The following TANC2 variants were observed in gnomAD, a reference collection of about 807,000 sequenced individuals.
The protein encoded by TANC2 is protein TANC2.
In TANC2, 26 loss-of-function variants were observed where a neutral mutation model predicts 210.5. The ratio of observed to expected loss-of-function variants is 0.12; its 90% CI spans 0.09 to 0.17. The LOEUF is 0.17. TANC2 is among the 10% of genes least tolerant of loss of function. TANC2 has a pLI of 1.00. For synonymous variants in TANC2, 931 were observed against 967.1 expected, an observed-to-expected ratio of 0.96 and a Z score of 0.69; for missense variants, 2,129 against 2,608.9, an observed-to-expected ratio of 0.82 and a Z score of 4.01.
chr17:63,085,418 T>A (rs961190642), intron 3 of TANC2, among the ~76,000 whole-genome samples: 1 of 152,186 alleles, frequency 6.6e-6, no homozygotes, highest in Non-Finnish European at 1.5e-5. Flanking sequence ...TTCTGCCATT[T>A]GTTGTTTTAA....
chr17:63,117,560 C>T (rs985154915), intron 4 of TANC2, among the ~76,000 whole-genome samples: 2 of 152,132 alleles, frequency 1.3e-5, no homozygotes, highest in Non-Finnish European at 2.9e-5. Flanking sequence ...GCTTTGGGAC[C>T]ATAATCAACA....
intron 9 of TANC2, among the ~76,000 whole-genome samples, chr17:63,295,114 CT>C (rs1311003263): frequency 1.3e-5 from 2 of 152,064 alleles, no homozygotes; most frequent in Non-Finnish European, 2.9e-5. Flanking sequence ...GAAAGTAGGG[CT>C]TTCTTTTATC....
At chr17:63,234,874 G>A (rs1409421828) in intron 7 of TANC2, among the ~76,000 whole-genome samples, 1 of 152,124 alleles carries the variant, frequency 6.6e-6, no homozygotes, top group African/African-American at 2.4e-5. Context: ...GCATAATGAA[G>A]ATAGTAATAT....
intron 12 of TANC2, among the ~76,000 whole-genome samples, chr17:63,349,926 A>G (rs964337784): frequency 2.0e-5 from 3 of 152,162 alleles, no homozygotes; most frequent in South Asian, 2.1e-4. Flanking sequence ...ATACCACTCC[A>G]TTAGTAGTGA....
At chr17:63,191,896 C>T (rs994788409) in intron 5 of TANC2, among the ~76,000 whole-genome samples, 7 of 152,272 alleles carry the variant, frequency 4.6e-5, no homozygotes, top group South Asian at 4.1e-4. Flanking sequence ...TCTACTGTTT[C>T]TACTTTATTC....
At chr17:63,030,740 C>T (rs780190122) in intron 2 of TANC2, among the ~76,000 whole-genome samples, 1 of 152,006 alleles carries the variant, frequency 6.6e-6, no homozygotes, top group Non-Finnish European at 1.5e-5. Flanking sequence ...AAGCAAATAC[C>T]TAAAATAAAG....
At chr17:63,267,757 C>G in exon 9 of TANC2, 1 of 1,612,648 alleles carries the variant, frequency 6.2e-7, no homozygotes, top group Non-Finnish European at 8.5e-7. Context: ...GCCACCAGCT[C>G]TGCCCACTTG....
chr17:63,221,511 C>CTT (rs1401194805), intron 7 of TANC2, among the ~76,000 whole-genome samples: 1 of 150,350 alleles, frequency 6.7e-6, no homozygotes, highest in African/African-American at 2.4e-5. Context: ...TTTTCAAACA[C>CTT]TTATCTCATA....
intron 3 of TANC2, among the ~76,000 whole-genome samples, chr17:63,087,138 A>G (rs1430622324): frequency 6.6e-6 from 1 of 152,216 alleles, no homozygotes; most frequent in Non-Finnish European, 1.5e-5. Context: ...CCACAAACCC[A>G]TCGGAAGGAA....
At chr17:63,423,238 G>T (rs1358179629) in exon 28 of TANC2, 1 of 152,196 alleles carries the variant, frequency 6.6e-6, no homozygotes, top group Non-Finnish European at 1.5e-5. Flanking sequence ...GTTTCAGGGT[G>T]AAGAAAGACC....
At chr17:63,334,444 C>T (rs932066384) in intron 11 of TANC2, among the ~76,000 whole-genome samples, 1 of 151,928 alleles carries the variant, frequency 6.6e-6, no homozygotes, top group African/African-American at 2.4e-5. Context: ...TAAGCCCATA[C>T]TTATTAAATC....
intron 11 of TANC2, among the ~76,000 whole-genome samples, chr17:63,321,440 A>G (rs2045490299): frequency 2.0e-5 from 3 of 152,102 alleles, no homozygotes; most frequent in Admixed American, 2.0e-4. Context: ...TATGGACGCA[A>G]TGTATTCTTT....
At chr17:63,120,072 A>G (rs1240582419) in intron 4 of TANC2, among the ~76,000 whole-genome samples, 1 of 152,046 alleles carries the variant, frequency 6.6e-6, no homozygotes, top group Admixed American at 6.5e-5. Flanking sequence ...AAAAATTAAT[A>G]ACAAAGACTG....
At chr17:63,267,710 A>C in intron 8 of TANC2, 38 bp from the exon 9 acceptor site, 1 of 1,599,798 alleles carries the variant, frequency 6.3e-7, no homozygotes, top group Admixed American at 1.7e-5. Flanking sequence ...ACATTTTCTG[A>C]ACTTAAATAT....
intron 8 of TANC2, among the ~76,000 whole-genome samples, chr17:63,244,392 G>T (rs1476450257): frequency 6.6e-6 from 1 of 152,144 alleles, no homozygotes; most frequent in African/African-American, 2.4e-5. Flanking sequence ...AATGCTCCAG[G>T]ATCCGAATCC....
chr17:63,164,464 A>C lies in TANC2; in HGVS notation c.433+13084A>C, dbSNP rs914696208. On this transcript the variant is annotated intron_variant, in intron 5 of 27. Transcript: ENST00000689528. ...AACTGAAGCTATAACTGCAGTAATT[A>C]TAAGTTTTAAATGAAGCAGTGAATG... 7.2e-5 allele frequency among the ~76,000 whole-genome samples: 11 copies of C among 152,216 alleles called. 1 individual carries two copies. In the East Asian group the frequency reaches 2.1e-3, roughly 29 times the overall value.
At chr17:63,059,827 T>G (rs1400962796) in intron 2 of TANC2, among the ~76,000 whole-genome samples, 2 of 152,190 alleles carry the variant, frequency 1.3e-5, no homozygotes, top group Non-Finnish European at 2.9e-5. Context: ...TGTTCCAGGT[T>G]CATTTAGTAC....
At chr17:63,148,086 C>G (rs764804393) in intron 4 of TANC2, 12 of 152,030 alleles carry the variant, frequency 7.9e-5, no homozygotes, top group Non-Finnish European at 1.5e-4. Context: ...TGAAAGGAAA[C>G]AAACACAGAA....
At chr17:63,031,241 C>T (rs2034758522) in intron 2 of TANC2, among the ~76,000 whole-genome samples, 1 of 152,072 alleles carries the variant, frequency 6.6e-6, no homozygotes, top group South Asian at 2.1e-4. Flanking sequence ...ATTTTAATGA[C>T]ATAAATCTTT....
Sources: allele counts gnomAD v4.1 joint callset (sites outside exome capture counted in the v4.1 genomes callset), GRCh38; gene constraint gnomAD v4.1.1; transcripts MANE v1.5; gene names NCBI Gene and HGNC (gene_info 2026-07-23, HGNC 2026-07-21).